VPS13A: variants seen among roughly 807,000 people sequenced by gnomAD.
The protein encoded by VPS13A is intermembrane lipid transfer protein VPS13A.
Under a neutral mutation model 390.9 loss-of-function variants are expected in VPS13A, and 264 were observed. The observed-to-expected ratio is 0.68, with a 90% confidence interval of 0.61 to 0.75. The LOEUF is 0.75. VPS13A is among the 30% of genes least tolerant of loss of function. The probability of loss-of-function intolerance (pLI) is 0.00; values close to 1 mark genes in which losing one functional copy is unlikely to be tolerated. For missense variants in VPS13A, 3,409 were observed against 3,733.9 expected (o/e 0.91, Z 2.27); for synonymous variants, 1,231 against 1,227.1 (o/e 1.00, Z -0.07).
At chr9:77,382,686 GT>G (rs1271175421) in intron 68 of VPS13A, 4 of 991,012 alleles carry the variant, frequency 4.0e-6, no homozygotes, top group Non-Finnish European at 4.8e-6. Context: ...TTGGATTCTT[GT>G]GCTTTGCCTT....
chr9:77,332,683 C>T (rs1209819667), intron 46 of VPS13A, among the ~76,000 whole-genome samples: 4 of 151,822 alleles, frequency 2.6e-5, no homozygotes, highest in African/African-American at 9.7e-5. Flanking sequence ...TATATCATAA[C>T]AAGTAAGTAT....
chr9:77,279,554 A>G (rs1826894512), intron 26 of VPS13A, among the ~76,000 whole-genome samples: 1 of 151,980 alleles, frequency 6.6e-6, no homozygotes, highest in South Asian at 2.1e-4. Flanking sequence ...AAAAACAGAA[A>G]TGCTTGTTCT....
At chr9:77,242,747 C>G (rs1234953499) in intron 19 of VPS13A, among the ~76,000 whole-genome samples, 1 of 151,652 alleles carries the variant, frequency 6.6e-6, no homozygotes, top group Non-Finnish European at 1.5e-5. Flanking sequence ...TTTTTTATCT[C>G]TAAGATTTAT....
chr9:77,409,819 T>C lies in VPS13A; in HGVS notation c.9474+2212T>C, dbSNP rs1295251090. ...GTGAAAAGACCAAATCTACGTCTGATTGTCATACCTGAAAGTGATGGGGAG... is the reference window on the plus strand; with the variant it reads ...GTGAAAAGACCAAATCTACGTCTGACTGTCATACCTGAAAGTGATGGGGAG... On this transcript the variant is annotated intron_variant, in intron 71 of 71. Coordinates refer to ENST00000360280, the MANE Select transcript of VPS13A (RefSeq NM_033305.3). 2.6e-5 allele frequency among the ~76,000 whole-genome samples: 4 copies of C among 151,418 alleles called. No individual in the cohort carries two copies. In the East Asian group the frequency reaches 6.1e-4, roughly 23 times the overall value.
chr9:77,281,160 G>GA (rs1457324276), intron 27 of VPS13A, among the ~76,000 whole-genome samples: 2 of 152,108 alleles, frequency 1.3e-5, no homozygotes, highest in African/African-American at 4.8e-5. Context: ...AGAGGGAATA[G>GA]AGAGTTGTCA....
intron 31 of VPS13A, among the ~76,000 whole-genome samples, chr9:77,292,147 T>C (rs1266771095): frequency 6.6e-6 from 1 of 152,160 alleles, no homozygotes; most frequent in African/African-American, 2.4e-5. Context: ...TCCAGGGTCA[T>C]ACCAAGGAAA....
At chr9:77,193,589 A>G (rs923558792) in intron 1 of VPS13A, among the ~76,000 whole-genome samples, 5 of 152,180 alleles carry the variant, frequency 3.3e-5, no homozygotes, top group African/African-American at 1.2e-4. Flanking sequence ...AGCCGAGATC[A>G]TGCCACTGCA....
At chr9:77,268,319 CTG>C (rs1194042211) in intron 23 of VPS13A, among the ~76,000 whole-genome samples, 1 of 152,192 alleles carries the variant, frequency 6.6e-6, no homozygotes, top group South Asian at 2.1e-4. Context: ...GTTGCGAAGA[CTG>C]TGGGAAAAGT....
At chr9:77,259,957 A>G in intron 22 of VPS13A, 129 bp from the exon 23 acceptor site, 1 of 694,596 alleles carries the variant, frequency 1.4e-6, no homozygotes, top group Non-Finnish European at 2.4e-6. Flanking sequence ...TAAGACGGAA[A>G]TTGGAATAGA....
chr9:77,324,747 G>T (rs1367296214), intron 45 of VPS13A, among the ~76,000 whole-genome samples: 1 of 151,748 alleles, frequency 6.6e-6, no homozygotes, highest in Non-Finnish European at 1.5e-5. Context: ...GTGCCATCAT[G>T]GCTCACTGGA....
chr9:77,249,055 A>G (rs1480010246), intron 20 of VPS13A, among the ~76,000 whole-genome samples: 1 of 152,172 alleles, frequency 6.6e-6, no homozygotes, highest in Non-Finnish European at 1.5e-5. Context: ...ATTGATATAG[A>G]ACATTTCCAT....
chr9:77,210,805 G>T lies in VPS13A; in HGVS notation c.555+130G>T, dbSNP rs541825915. On this transcript the variant is annotated intron_variant, in intron 7 of 71. Transcript: ENST00000360280. ...AACGGGTGCACAAAGGGTCTTCATT[G>T]GATTGGAATCGAGGGTATGTAGATT... 1.6e-3 allele frequency: 1,472 copies of T among 902,342 alleles called. 21 individuals are homozygous for T. The highest frequency in any genetic ancestry group is 2.3e-4 in the Non-Finnish European group (126 of 558,176). The allele number at this position is 902,342 out of a possible 1,614,324, so 55.9% of individuals were successfully genotyped here. A position where few individuals can be genotyped will look rare whatever the true frequency, so the allele number is the denominator to read the frequency against.
At chr9:77,382,743 T>G in intron 68 of VPS13A, 1 of 986,306 alleles carries the variant, frequency 1.0e-6, no homozygotes, top group Non-Finnish European at 1.2e-6. Context: ...TTTATTCTAG[T>G]GTAGTCTTTA....
At chr9:77,351,175 A>C (rs1831443871) in intron 52 of VPS13A, 142 bp from the exon 53 acceptor site, 1 of 1,047,522 alleles carries the variant, frequency 9.5e-7, no homozygotes, top group Admixed American at 2.1e-5. Context: ...TAATTGTATA[A>C]GGTAAGAATT....
At chr9:77,178,014 G>C in intron 1 of VPS13A, 1 of 547,708 alleles carries the variant, frequency 1.8e-6, no homozygotes, top group East Asian at 3.2e-5. Context: ...GGGGAAAGGA[G>C]AGGGTCATGA....
intron 32 of VPS13A, among the ~76,000 whole-genome samples, chr9:77,295,261 A>G (rs1038010595): frequency 2.6e-5 from 4 of 152,090 alleles, no homozygotes; most frequent in Non-Finnish European, 4.4e-5. Context: ...TTCATTAGGG[A>G]AAGTGAGATA....
rs940273132 is a variant in VPS13A, at chr9:77,337,793, A to G, written c.6378+256A>G. ...AGTGCTGATTTTCTTAAAAGATTGT[A>G]TACTTTGTGAAGTTGCTTTTTTTCT... On this transcript the variant is annotated intron_variant, in intron 47 of 71. Coordinates refer to ENST00000360280, the MANE Select transcript of VPS13A (RefSeq NM_033305.3). 2.2e-5 allele frequency: 8 copies of G among 362,380 alleles called. No individual in the cohort carries two copies. The South Asian group carries it at 2.8e-4, about 13-fold the overall frequency. 22.4% of individuals were successfully genotyped at this position (362,380 alleles called of 1,614,324 possible).
At chr9:77,370,126 G>T in intron 63 of VPS13A, 131 bp from the exon 64 acceptor site, 1 of 967,602 alleles carries the variant, frequency 1.0e-6, no homozygotes, top group Non-Finnish European at 1.6e-6. Context: ...GAAACTTTTT[G>T]CTGATATTAC....
chr9:77,282,236 C>T lies in VPS13A; in HGVS notation c.3080C>T (p.Thr1027Ile). The stretch of plus-strand genomic sequence containing the variant: ...GAAAAATCAGCCCCAGTGTCCACTA[C>T]AGAGACTGAAGACAAAGGAGATGTC... ...SEEKSAPVST[T>I]ETEDKGDVIK... Residue 1027 changes from threonine to isoleucine, a missense_variant, in exon 29 of 72, where the codon ACA (threonine) becomes ATA (isoleucine). Thr to Ile is a moderately conservative substitution (Grantham distance 89, BLOSUM62 -1). Coordinates refer to ENST00000360280, the MANE Select transcript of VPS13A (RefSeq NM_033305.3). 2.5e-6 allele frequency: 4 copies of T among 1,613,162 alleles called. No individual in the cohort carries two copies. Among genetic ancestry groups the T allele is most frequent in the Admixed American group, 1.7e-5 (1 of 59,978 alleles).
Sources: gnomAD v4.1 joint callset for allele counts (sites outside exome capture counted in the v4.1 genomes callset) on GRCh38, gnomAD v4.1.1 for gene constraint, MANE v1.5 for transcripts, NCBI Gene and HGNC (gene_info 2026-07-23, HGNC 2026-07-21) for gene names.